The following DNAJB4 variants were observed in gnomAD, a reference collection of about 807,000 sequenced individuals.
DNAJB4 encodes DnaJ heat shock protein family (Hsp40) member B4, also known as dnaJ homolog subfamily B member 4.
In DNAJB4, 10 loss-of-function variants were observed where a neutral mutation model predicts 26.6. The ratio of observed to expected loss-of-function variants is 0.38; its 90% CI spans 0.23 to 0.64. DNAJB4 has a LOEUF of 0.64. Among genes scored for constraint, DNAJB4 ranks in the 30% least tolerant of loss-of-function variants. DNAJB4 has a pLI of 0.58. For synonymous variants in DNAJB4, 136 were observed against 134.8 expected, an observed-to-expected ratio of 1.01 and a Z score of -0.06; for missense variants, 328 against 408.2, an observed-to-expected ratio of 0.80 and a Z score of 1.69.
At position 78,012,154 on chromosome 1, in the gene DNAJB4, C is replaced by CTTTTTTTTTTTTTTT. The variant is rs1324763074; in HGVS notation, c.212-893_212-892insTTTTTTTTTTTTTTT. On this transcript the variant is annotated intron_variant, in intron 1 of 2. Transcript: ENST00000370763. Reference sequence around the variant, plus strand: ...CCCAGTTTTATTTTCTTTTTCTTTTCTTTTCTTTTTTTTTTTTTTTTTTTT... The same window carrying CTTTTTTTTTTTTTTT: ...CCCAGTTTTATTTTCTTTTTCTTTTCTTTTTTTTTTTTTTTTTTTCTTTTTTTTTTTTTTTTTTTT... 2.9e-4 allele frequency among the ~76,000 whole-genome samples: 20 copies of CTTTTTTTTTTTTTTT among 69,348 alleles called. 2 individuals carry two copies. Among genetic ancestry groups the CTTTTTTTTTTTTTTT allele is most frequent in the East Asian group, 2.0e-3 (4 of 2,018 alleles). The allele number at this position is 69,348 out of a possible 152,430, so 45.5% of individuals were successfully genotyped here. A position where few individuals can be genotyped will look rare whatever the true frequency, so the allele number is the denominator to read the frequency against.
chr1:78,000,365 T>G (rs533756650), upstream of DNAJB4, among the ~76,000 whole-genome samples: 3 of 152,188 alleles, frequency 2.0e-5, no homozygotes, highest in Non-Finnish European at 4.4e-5. Flanking sequence ...GTTACCAGCT[T>G]AACAGTTAAC....
chr1:77,979,912 T>G (rs1659473461), upstream of DNAJB4, among the ~76,000 whole-genome samples: 1 of 152,096 alleles, frequency 6.6e-6, no homozygotes, highest in Admixed American at 6.5e-5. Flanking sequence ...TTTGAGAGTC[T>G]CGCTCTGTTA....
upstream of DNAJB4, among the ~76,000 whole-genome samples, chr1:78,000,979 C>T (rs893527593): frequency 3.0e-5 from 4 of 134,798 alleles, no homozygotes; most frequent in East Asian, 4.6e-4. Context: ...GGCGACAGAG[C>T]GAGACCCTGT....
At position 78,016,730 on chromosome 1, in the gene DNAJB4, T is replaced by A. The variant is rs1379140792; in HGVS notation, c.*483T>A. 2.6e-5 allele frequency: 4 copies of A among 154,486 alleles called. No individual in the cohort carries two copies. In the East Asian group the frequency reaches 7.6e-4, roughly 29 times the overall value. The allele number at this position is 154,486 out of a possible 1,614,324, so 9.6% of individuals were successfully genotyped here. On this transcript the variant is annotated 3_prime_UTR_variant, in exon 3 of 3. Coordinates refer to ENST00000370763, the MANE Select transcript of DNAJB4 (RefSeq NM_007034.5). Reference sequence around the variant, plus strand: ...TTCTGAAATGCTGCTATAGGGCTGGTATCTGTAAAAGAATATCCTGATGCA... The same window carrying A: ...TTCTGAAATGCTGCTATAGGGCTGGAATCTGTAAAAGAATATCCTGATGCA...
At chr1:77,990,812 T>A (rs1171614939) in intron 1 of DNAJB4, among the ~76,000 whole-genome samples, 1 of 152,276 alleles carries the variant, frequency 6.6e-6, no homozygotes, top group African/African-American at 2.4e-5. Context: ...CCTGTTGGTC[T>A]GGTTATATCA....
chr1:77,995,121 C>T (rs1236808441), intron 1 of DNAJB4, among the ~76,000 whole-genome samples: 1 of 151,976 alleles, frequency 6.6e-6, no homozygotes, highest in African/African-American at 2.4e-5. Flanking sequence ...TGCTGTATTT[C>T]AAATATTTAG....
intron 1 of DNAJB4, among the ~76,000 whole-genome samples, chr1:77,996,955 A>G (rs1426154089): frequency 6.6e-6 from 1 of 152,200 alleles, no homozygotes; most frequent in Non-Finnish European, 1.5e-5. Context: ...TAGAGTAGCC[A>G]GAACCACAGG....
chr1:77,983,764 A>G (rs1029531793), intron 1 of DNAJB4, among the ~76,000 whole-genome samples: 6 of 152,180 alleles, frequency 3.9e-5, no homozygotes, highest in Non-Finnish European at 8.8e-5. Context: ...GTACAGAACA[A>G]AATGGAGTCT....
At chr1:77,987,975 T>TTA (rs1157002567) in intron 1 of DNAJB4, among the ~76,000 whole-genome samples, 6 of 148,194 alleles carry the variant, frequency 4.0e-5, no homozygotes, top group Admixed American at 1.4e-4. Flanking sequence ...TATGCATACA[T>TTA]TATATATATA....
intron 1 of DNAJB4, among the ~76,000 whole-genome samples, chr1:77,998,567 C>G (rs1379681668): frequency 6.6e-6 from 1 of 152,100 alleles, no homozygotes; most frequent in African/African-American, 2.4e-5. Flanking sequence ...CAGCTGAGTG[C>G]GGTGGCTCAG....
chr1:78,009,567 T>A (rs1204075946), intron 1 of DNAJB4, among the ~76,000 whole-genome samples: 1 of 152,208 alleles, frequency 6.6e-6, no homozygotes, highest in Non-Finnish European at 1.5e-5. Context: ...ATATTAAACA[T>A]TTCCATTAGC....
chr1:77,985,774 A>G (rs1659777171), intron 1 of DNAJB4, among the ~76,000 whole-genome samples: 1 of 152,094 alleles, frequency 6.6e-6, no homozygotes, highest in African/African-American at 2.4e-5. Context: ...GGCATCTAGT[A>G]GGTCCTAATT....
chr1:77,982,693 G>C (rs1266330240), intron 1 of DNAJB4, among the ~76,000 whole-genome samples: 1 of 152,244 alleles, frequency 6.6e-6, no homozygotes, highest in Admixed American at 6.5e-5. Context: ...AGCTACTCGG[G>C]AGGCTGAGGC....
At chr1:78,008,480 A>G (rs780598903) in intron 1 of DNAJB4, among the ~76,000 whole-genome samples, 16 of 152,230 alleles carry the variant, frequency 1.1e-4, no homozygotes, top group Non-Finnish European at 2.1e-4. Context: ...TAAAGAAGCC[A>G]GATGTAAAAG....
chr1:77,979,302 G>T, upstream of DNAJB4: 1 of 380,390 alleles, frequency 2.6e-6, no homozygotes, highest in Non-Finnish European at 4.9e-6. Flanking sequence ...GGGTGAGGCT[G>T]GGTAATTGTT....
chr1:77,996,626 A>G (rs181874496), intron 1 of DNAJB4, among the ~76,000 whole-genome samples: 17 of 152,348 alleles, frequency 1.1e-4, no homozygotes, highest in Middle Eastern at 3.4e-3. Flanking sequence ...AAAAAATTAA[A>G]TGTATATATT....
At chr1:77,990,324 C>G (rs1259816882) in intron 1 of DNAJB4, among the ~76,000 whole-genome samples, 1 of 152,178 alleles carries the variant, frequency 6.6e-6, no homozygotes, top group Non-Finnish European at 1.5e-5. Context: ...CTCCTTCACA[C>G]TATAAAATAT....
At chr1:77,996,916 C>T (rs1168416786) in intron 1 of DNAJB4, among the ~76,000 whole-genome samples, 1 of 152,042 alleles carries the variant, frequency 6.6e-6, no homozygotes, top group Non-Finnish European at 1.5e-5. Flanking sequence ...CTCACTGCAA[C>T]CTTGAGCTCC....
upstream of DNAJB4, among the ~76,000 whole-genome samples, chr1:78,002,162 T>C (rs1405516389): frequency 6.6e-6 from 1 of 152,208 alleles, no homozygotes; most frequent in Non-Finnish European, 1.5e-5. Flanking sequence ...ATTTTACTTT[T>C]ATTAAATAAG....
Sources: allele counts gnomAD v4.1 joint callset (sites outside exome capture counted in the v4.1 genomes callset), GRCh38; gene constraint gnomAD v4.1.1; transcripts MANE v1.5; gene names NCBI Gene and HGNC (gene_info 2026-07-23, HGNC 2026-07-21).